Variants in KIF1A observed in about 807,000 individuals in gnomAD.
KIF1A encodes the protein kinesin-like protein KIF1A.
Under a neutral mutation model 227.3 loss-of-function variants are expected in KIF1A, and 46 were observed. The ratio of observed to expected loss-of-function variants is 0.20; its 90% CI spans 0.16 to 0.26. The LOEUF (loss-of-function observed/expected upper bound fraction) is 0.26. KIF1A is among the 10% of genes least tolerant of loss of function. The probability of loss-of-function intolerance (pLI) is 1.00; values close to 1 mark genes in which losing one functional copy is unlikely to be tolerated. For synonymous variants in KIF1A, 1,022 were observed against 1,012.8 expected, an observed-to-expected ratio of 1.01 and a Z score of -0.17; for missense variants, 1,683 against 2,485.9, an observed-to-expected ratio of 0.68 and a Z score of 6.87.
At chr2:240,760,914 C>A in intron 24 of KIF1A, 71 bp from the exon 25 acceptor site, 1 of 1,411,650 alleles carries the variant, frequency 7.1e-7, no homozygotes, top group Non-Finnish European at 9.6e-7. Context: ...AAAAGGCTTC[C>A]TTCCCACCTT....
chr2:240,728,354 A>T, intron 38 of KIF1A: 1 of 1,275,810 alleles, frequency 7.8e-7, no homozygotes, highest in Non-Finnish European at 1.0e-6. Context: ...AAGAGGACAG[A>T]CCAAGCAAGG....
At chr2:240,735,371 G>T (rs2047198313) in intron 38 of KIF1A, among the ~76,000 whole-genome samples, 1 of 152,122 alleles carries the variant, frequency 6.6e-6, no homozygotes, top group South Asian at 2.1e-4. Flanking sequence ...GAACAGGGTG[G>T]CCTGAGGTCC....
chr2:240,803,412 G>C (rs1445977495), intron 1 of KIF1A, among the ~76,000 whole-genome samples: 1 of 152,198 alleles, frequency 6.6e-6, no homozygotes, highest in East Asian at 1.9e-4. Context: ...CCTTGGGAGG[G>C]ACCCAGGCTT....
intron 1 of KIF1A, among the ~76,000 whole-genome samples, chr2:240,807,114 G>GTGTA (rs1553641835): frequency 7.2e-6 from 1 of 139,126 alleles, no homozygotes; most frequent in African/African-American, 2.7e-5. Context: ...GTGTGTGTGT[G>GTGTA]TGTGTGTGTG....
chr2:240,737,262 C>A (rs552756341), intron 37 of KIF1A, 94 bp from the exon 38 acceptor site: 2 of 915,496 alleles, frequency 2.2e-6, no homozygotes, highest in Non-Finnish European at 3.6e-6. Flanking sequence ...AGCAAGCCAG[C>A]TCCCCACATG....
rs868240917 is a variant in KIF1A, at chr2:240,758,209, C to T, written c.2582+151G>A. On this transcript the variant is annotated intron_variant, in intron 26 of 48. Transcript: ENST00000498729. This position sits in a 1 kb window ranked among gnomAD's most constrained non-coding sequence, Gnocchi z 5.2. The stretch of plus-strand genomic sequence containing the variant: ...GTGGAGAGGAATGGCTGGGAGGAAC[C>T]TCAGGCCAGGGAGGACAGGGCTGGG... The T allele has an allele frequency of 9.7e-5, 84 of 864,818 alleles. No individual in the cohort carries two copies. The Middle Eastern group carries it at 3.5e-3, about 36-fold the overall frequency. 53.6% of individuals were successfully genotyped at this position (864,818 alleles called of 1,614,324 possible).
chr2:240,777,467 C>T (rs1459356528), intron 10 of KIF1A, among the ~76,000 whole-genome samples: 1 of 152,182 alleles, frequency 6.6e-6, no homozygotes, highest in Non-Finnish European at 1.5e-5. Flanking sequence ...CAGCAGCCCC[C>T]TGGGTTTCCT....
chr2:240,763,518 C>T (rs1275951260), intron 20 of KIF1A, among the ~76,000 whole-genome samples, 172 bp from the exon 21 acceptor site: 6 of 152,220 alleles, frequency 3.9e-5, no homozygotes, highest in Admixed American at 1.3e-4. Context: ...TCTCCTCACT[C>T]TCCCCATAAA....
intron 40 of KIF1A, 173 bp from the exon 41 acceptor site, chr2:240,724,209 C>T: frequency 3.1e-6 from 2 of 647,440 alleles, no homozygotes; most frequent in Admixed American, 4.8e-5. Flanking sequence ...TCCCAGACTC[C>T]CTCCGGCCCC....
Position 240,786,363 on chromosome 2 carries a change from C to T in KIF1A, c.580G>A (p.Asp194Asn), listed in dbSNP as rs2054751005. 1 of 1,613,538 alleles carries T rather than the reference C, an allele frequency of 6.2e-7. No individual in the cohort carries two copies. The highest frequency in any genetic ancestry group is 1.3e-5 in the African/African-American group (1 of 74,932). ...LAVTSYNDIQ[D>N]LMDSGNKART... ...GCCTTGTTCCCTGAGTCCATGAGGT[C>T]CTGGATGTCATTGTAGGAGGTGACA... is the stretch of plus-strand genomic sequence containing the variant. The change falls in exon 6 of 49, where the codon GAC (aspartate) becomes AAC (asparagine). Residue 194 changes from aspartate to asparagine, a missense_variant. Transcript: ENST00000498729.
chr2:240,773,080 A>G lies in KIF1A; in HGVS notation c.1180+34T>C, dbSNP rs769469192. The stretch of plus-strand genomic sequence containing the variant: ...AGGCCCCTGAGCCTGAGGCCCCACA[A>G]CCCTGTCCAGGACAGGCTGGAGCAG... On this transcript the variant is annotated intron_variant, in intron 13 of 48. Transcript: ENST00000498729. 13 of 1,580,700 alleles carry G rather than the reference A, an allele frequency of 8.2e-6. No individual in the cohort carries two copies. In the East Asian group the frequency reaches 3.0e-4, roughly 36 times the overall value.
At chr2:240,772,115 G>C (rs139144824) in intron 14 of KIF1A, among the ~76,000 whole-genome samples, 2,728 of 152,342 alleles carry the variant, frequency 0.018, 31 homozygotes, top group South Asian at 0.031. Context: ...GCCTGGGCGT[G>C]GGGGGTCAGG....
chr2:240,784,958 G>A (rs533096471), intron 7 of KIF1A, 31 bp downstream of exon 7: 3 of 1,565,716 alleles, frequency 1.9e-6, no homozygotes, highest in Non-Finnish European at 2.6e-6. Context: ...CACTGCCCTT[G>A]GTGGCACCGC....
intron 10 of KIF1A, among the ~76,000 whole-genome samples, chr2:240,776,213 C>G (rs1045395332): frequency 2.6e-5 from 4 of 152,210 alleles, no homozygotes; most frequent in African/African-American, 9.6e-5. Flanking sequence ...AGCTGGACAC[C>G]GGCCAGGAGT....
intron 48 of KIF1A, among the ~76,000 whole-genome samples, chr2:240,717,698 G>A (rs2044724071): frequency 6.6e-6 from 1 of 152,220 alleles, no homozygotes; most frequent in South Asian, 2.1e-4. Context: ...ACCGGGTTAG[G>A]ATGTAATTTT....
chr2:240,728,280 G>A (rs536822494), intron 38 of KIF1A: 31 of 583,244 alleles, frequency 5.3e-5, no homozygotes, highest in Non-Finnish European at 7.2e-5. Context: ...TGAGGACAGC[G>A]GGTGGTCAGA....
intron 25 of KIF1A, among the ~76,000 whole-genome samples, chr2:240,760,133 C>T (rs954658595): frequency 5.3e-5 from 8 of 152,234 alleles, no homozygotes; most frequent in African/African-American, 1.9e-4. Flanking sequence ...AGGGGCACAG[C>T]CCAGGCTTCC....
intron 10 of KIF1A, among the ~76,000 whole-genome samples, chr2:240,780,846 CT>C: frequency 3.8e-5 from 1 of 26,308 alleles, no homozygotes; most frequent in Non-Finnish European, 6.1e-5. Flanking sequence ...ACACACACAG[CT>C]CCACACACAC....
chr2:240,776,379 G>C (rs955255268), intron 10 of KIF1A, among the ~76,000 whole-genome samples: 2 of 152,138 alleles, frequency 1.3e-5, no homozygotes, highest in Non-Finnish European at 2.9e-5. Context: ...CCTCTGCCAC[G>C]CTTACCTCCC....
Sources: allele counts gnomAD v4.1 joint callset (sites outside exome capture counted in the v4.1 genomes callset), GRCh38; gene constraint gnomAD v4.1.1; non-coding constraint Gnocchi (gnomAD v3.1); transcripts MANE v1.5; gene names NCBI Gene and HGNC (gene_info 2026-07-23, HGNC 2026-07-21).